The following MACO1 variants were observed in gnomAD, a reference collection of about 807,000 sequenced individuals.
The protein encoded by MACO1 is macoilin.
Under a neutral mutation model 78.7 loss-of-function variants are expected in MACO1, and 14 were observed. That is an observed-to-expected ratio of 0.18 (90% CI 0.12 to 0.28). The LOEUF (loss-of-function observed/expected upper bound fraction) is 0.28. Ranked by LOEUF, MACO1 falls within the 10% of genes least tolerant of loss-of-function variation. The pLI is 1.00. For synonymous variants in MACO1, 288 were observed against 291.6 expected, an observed-to-expected ratio of 0.99 and a Z score of 0.12; for missense variants, 501 against 799.0, an observed-to-expected ratio of 0.63 and a Z score of 4.50.
At position 25,431,151 on chromosome 1, in the gene MACO1, A is replaced by G; in HGVS notation, c.53A>G (p.Asn18Ser). The stretch of plus-strand genomic sequence containing the variant: ...AAGCTCCGCCGCCCCCTAAAGCGGA[A>G]CCGGATCACCGAGGGCATTTACGGC... Reference protein sequence around the residue: ...CSKLRRPLKRNRITEGIYGST... With the variant: ...CSKLRRPLKRSRITEGIYGST... The change falls in exon 1 of 11, where the codon AAC becomes AGC. Residue 18 changes from asparagine (N) to serine (S), a missense_variant. By Grantham distance (46) the Asn-to-Ser change is conservative. Around this residue, in one of 5 missense-constraint regions of MACO1, gnomAD observed 171 missense variants for 292.1 expected, o/e 0.59. Transcript: ENST00000374343. The G allele has an allele frequency of 6.3e-7, 1 of 1,598,094 alleles. No homozygotes were observed. The highest frequency in any genetic ancestry group is 8.5e-7 in the Non-Finnish European group (1 of 1,174,528).
At chr1:25,497,568 C>T (rs1484816671) in intron 10 of MACO1, among the ~76,000 whole-genome samples, 1 of 152,016 alleles carries the variant, frequency 6.6e-6, no homozygotes. Context: ...GAAACTGAAG[C>T]GTAGTGAGGG....
rs779293255 is a variant in MACO1, at chr1:25,458,425, C to T, written c.687C>T (p.Ile229=). Residue 229 remains isoleucine, a synonymous_variant, in exon 6 of 11, where the codon ATC becomes ATT. Transcript: ENST00000374343. ...AKGLPDMDSS[I]LIHHNGGIPA... Reference sequence around the variant, plus strand: ...GATTACCTGATATGGATTCTTCGATCCTTATACACCACAATGGAGGTATCC... The same window carrying T: ...GATTACCTGATATGGATTCTTCGATTCTTATACACCACAATGGAGGTATCC... The T allele has an allele frequency of 6.2e-7, 1 of 1,604,000 alleles. No homozygotes were observed. The highest frequency in any genetic ancestry group is 1.4e-5 in the African/African-American group (1 of 73,638).
chr1:25,483,960 A>T (rs2043403813), intron 6 of MACO1, among the ~76,000 whole-genome samples, 156 bp from the exon 7 acceptor site: 1 of 152,188 alleles, frequency 6.6e-6, no homozygotes, highest in African/African-American at 2.4e-5. Flanking sequence ...CAACAAAATT[A>T]ACCCAGTTGC....
In MACO1 at chr1:25,458,593, G is replaced by T. The variant is rs2043143849; in HGVS notation, c.855G>T (p.Glu285Asp). The change falls in exon 6 of 11, where the codon GAG (glutamate) becomes GAT (aspartate). Residue 285 changes from glutamate (E) to aspartate (D), a missense_variant. Around this residue, in one of 5 missense-constraint regions of MACO1, gnomAD observed 90 missense variants for 85.7 expected, o/e 1.05. Transcript: ENST00000374343. Reference protein sequence around the residue: ...ILQPVDSKIQEIEYMENHINS... With the variant: ...ILQPVDSKIQDIEYMENHINS... Reference sequence around the variant, plus strand: ...AACCTGTAGACTCTAAAATACAAGAGATTGAGTATATGGAAAACCATATCA... The same window carrying T: ...AACCTGTAGACTCTAAAATACAAGATATTGAGTATATGGAAAACCATATCA... 1 of 1,613,774 alleles carries T rather than the reference G, an allele frequency of 6.2e-7. No individual in the cohort carries two copies. Among genetic ancestry groups the T allele is most frequent in the East Asian group, 2.2e-5 (1 of 44,876 alleles).
chr1:25,471,923 A>G (rs2043275039), intron 6 of MACO1, among the ~76,000 whole-genome samples: 1 of 152,180 alleles, frequency 6.6e-6, no homozygotes, highest in Non-Finnish European at 1.5e-5. Context: ...GAGGTGTAAG[A>G]ATTTCTGGAA....
At position 25,500,022 on chromosome 1, in the gene MACO1, G is replaced by A. The variant is rs2043572991; in HGVS notation, c.*1556G>A. 6.6e-6 allele frequency: 1 copy of A among 152,166 alleles called. No individual in the cohort carries two copies. The highest frequency in any genetic ancestry group is 2.4e-5 in the African/African-American group (1 of 41,450). The allele number at this position is 152,166 out of a possible 1,614,324, so 9.4% of individuals were successfully genotyped here. On this transcript the variant is annotated 3_prime_UTR_variant, in exon 11 of 11. Transcript: ENST00000374343. ...CTTGTGTAATTGTCACCATGAAAGT[G>A]TTACTCAGAATTGTCATAGATTTTC...
intron 6 of MACO1, among the ~76,000 whole-genome samples, chr1:25,479,457 A>G (rs1364052878): frequency 2.6e-5 from 4 of 152,106 alleles, no homozygotes; most frequent in Non-Finnish European, 5.9e-5. Flanking sequence ...TCTGTCGCCC[A>G]GACTGGAGTG....
chr1:25,480,624 C>T (rs2043363610), intron 6 of MACO1, among the ~76,000 whole-genome samples: 1 of 151,882 alleles, frequency 6.6e-6, no homozygotes, highest in Non-Finnish European at 1.5e-5. Flanking sequence ...ATATAAGCTT[C>T]ACATTAAAAA....
chr1:25,488,491 T>C (rs2043454618), intron 8 of MACO1, among the ~76,000 whole-genome samples: 1 of 151,932 alleles, frequency 6.6e-6, no homozygotes, highest in Non-Finnish European at 1.5e-5. Flanking sequence ...AAACCTATAG[T>C]CTTTTTTTTT....
chr1:25,449,705 A>C (rs924586365), intron 3 of MACO1, among the ~76,000 whole-genome samples: 2 of 152,160 alleles, frequency 1.3e-5, no homozygotes, highest in African/African-American at 4.8e-5. Flanking sequence ...ATATAAGGGA[A>C]TGTATAAAAC....
At chr1:25,492,584 C>T (rs1183717667) in intron 10 of MACO1, among the ~76,000 whole-genome samples, 2 of 151,956 alleles carry the variant, frequency 1.3e-5, no homozygotes, top group Admixed American at 6.6e-5. Context: ...GGAGAGTTGT[C>T]AGAGCAGACA....
rs2043421442 is a variant in MACO1 at position 25,485,489 on chromosome 1, A to G, written c.1314-124A>G. On this transcript the variant is annotated intron_variant, in intron 7 of 10. Coordinates refer to ENST00000374343, the MANE Select transcript of MACO1 (RefSeq NM_018202.6). This position sits in a 1 kb window ranked among gnomAD's most constrained non-coding sequence, Gnocchi z 4.3. ...TTCCTCAGGCATTCTGGGCATTGACATTTTTGATTTGCTGTTCAAACCTCC... is the reference window on the plus strand; with the variant it reads ...TTCCTCAGGCATTCTGGGCATTGACGTTTTTGATTTGCTGTTCAAACCTCC... 1.0e-6 allele frequency: 1 copy of G among 963,890 alleles called. No homozygotes were observed. The highest frequency in any genetic ancestry group is 1.6e-5 in the African/African-American group (1 of 60,798). The allele number at this position is 963,890 out of a possible 1,614,324, so 59.7% of individuals were successfully genotyped here. A position where few individuals can be genotyped will look rare whatever the true frequency, so the allele number is the denominator to read the frequency against.
intron 6 of MACO1, among the ~76,000 whole-genome samples, chr1:25,467,180 C>G (rs1357820561): frequency 6.6e-6 from 1 of 152,112 alleles, no homozygotes; most frequent in Non-Finnish European, 1.5e-5. Flanking sequence ...ATCGCTTGAA[C>G]CCAAGCAGCA....
Position 25,454,464 on chromosome 1 carries a change from G to GTATATATATATA in MACO1, c.473+83_473+84insATATATATATAT, listed in dbSNP as rs1206688329. 3.6e-4 allele frequency: 64 copies of GTATATATATATA among 178,166 alleles called. 1 individual carries two copies. In the East Asian group the frequency reaches 4.6e-3, roughly 13 times the overall value. The allele number at this position is 178,166 out of a possible 1,614,324, so 11.0% of individuals were successfully genotyped here. A position where few individuals can be genotyped will look rare whatever the true frequency, so the allele number is the denominator to read the frequency against. On this transcript the variant is annotated intron_variant, in intron 4 of 10. Coordinates refer to ENST00000374343, the MANE Select transcript of MACO1 (RefSeq NM_018202.6). The stretch of plus-strand genomic sequence containing the variant: ...TGTGTGTGTGTGTGTGTGTGTGTGT[G>GTATATATATATA]TGTGTGTATATATATATATATATAT...
intron 3 of MACO1, among the ~76,000 whole-genome samples, chr1:25,453,616 T>C (rs1025069849): frequency 3.1e-5 from 4 of 130,378 alleles, no homozygotes; most frequent in African/African-American, 1.2e-4. Flanking sequence ...TGAGCCGAGA[T>C]CACGCCACTG....
chr1:25,438,191 A>G (rs1407895975), intron 1 of MACO1, among the ~76,000 whole-genome samples: 1 of 152,142 alleles, frequency 6.6e-6, no homozygotes, highest in Non-Finnish European at 1.5e-5. Context: ...TGTGGAGTCT[A>G]TGGGGTTGAG....
rs981648118 is a variant in MACO1 at position 25,437,332 on chromosome 1, G to A, written c.80+6154G>A. Among the ~76,000 whole-genome samples the A allele has an allele frequency of 1.8e-4, 21 of 117,452 alleles. 1 individual carries two copies. Among genetic ancestry groups the A allele is most frequent in the Admixed American group, 2.8e-4 (3 of 10,824 alleles). The allele number at this position is 117,452 out of a possible 152,430, so 77.1% of individuals were successfully genotyped here. A position where few individuals can be genotyped will look rare whatever the true frequency, so the allele number is the denominator to read the frequency against. On this transcript the variant is annotated intron_variant, in intron 1 of 10. Coordinates refer to ENST00000374343, the MANE Select transcript of MACO1 (RefSeq NM_018202.6). ...TTTTTTTTTTTTTTTGCGTTTTTGC[G>A]TTTTTATAAAGATGGAGTCTCGCCG...
chr1:25,435,894 C>T (rs143558811), intron 1 of MACO1, among the ~76,000 whole-genome samples: 7 of 152,300 alleles, frequency 4.6e-5, no homozygotes, highest in Admixed American at 1.3e-4. Context: ...GATGAAAAAG[C>T]ACTTTCCTCC....
chr1:25,446,757 T>C lies in MACO1; in HGVS notation c.81-5T>C. 1 of 1,604,088 alleles carries C rather than the reference T, an allele frequency of 6.2e-7. No homozygotes were observed. The highest frequency in any genetic ancestry group is 1.1e-5 in the South Asian group (1 of 88,538). On this transcript the variant is annotated splice_region_variant and splice_polypyrimidine_tract_variant and intron_variant, in intron 1 of 10. Transcript: ENST00000374343. ...AAATTAATTCTTTATTTTTATATTT[T>C]GCAGTACATTTTTATACCTGAAATT...
Sources: gnomAD v4.1 joint callset for allele counts (sites outside exome capture counted in the v4.1 genomes callset) on GRCh38, gnomAD v4.1.1 for gene constraint, gnomAD v4.1.1 regional missense constraint, Gnocchi (gnomAD v3.1) non-coding constraint, MANE v1.5 for transcripts, NCBI Gene and HGNC (gene_info 2026-07-23, HGNC 2026-07-21) for gene names.